Variants in AGAP1 observed in about 807,000 individuals in gnomAD.
AGAP1 encodes the protein ArfGAP with GTPase domain, ankyrin repeat and PH domain 1.
AGAP1 carries 29 observed loss-of-function variants against 105.3 expected under a neutral mutation model. The observed-to-expected ratio is 0.28, with a 90% confidence interval of 0.21 to 0.38. The LOEUF (loss-of-function observed/expected upper bound fraction) is 0.38. Ranked by LOEUF, AGAP1 falls within the 10% of genes least tolerant of loss-of-function variation. AGAP1 has a pLI of 1.00. For synonymous variants in AGAP1, 509 were observed against 485.9 expected (o/e 1.05, Z -0.63); for missense variants, 998 against 1,165.1 (o/e 0.86, Z 2.09).
At chr2:235,764,041 G>A (rs933111160) in intron 6 of AGAP1, among the ~76,000 whole-genome samples, 16 of 151,886 alleles carry the variant, frequency 1.1e-4, no homozygotes, top group African/African-American at 3.6e-4. Flanking sequence ...TGGCCCGTGC[G>A]TGGCTCCGGC....
At position 235,577,232 on chromosome 2, in the gene AGAP1, T is replaced by C. The variant is rs1331894900; in HGVS notation, c.163+82383T>C. ...TCCAACATATCCAAAATATTATCCT[T>C]TCATTGCAATTATCTGGAATTTGTG... On this transcript the variant is annotated intron_variant, in intron 1 of 17. Coordinates refer to ENST00000304032, the MANE Select transcript of AGAP1 (RefSeq NM_001037131.3). This position sits in a 1 kb window ranked among gnomAD's most constrained non-coding sequence, Gnocchi z 4.5. Among the ~76,000 whole-genome samples the C allele has an allele frequency of 6.6e-6, 1 of 152,214 alleles. No homozygotes were observed. Among genetic ancestry groups the C allele is most frequent in the Admixed American group, 6.5e-5 (1 of 15,290 alleles).
rs1351335740 is a variant in AGAP1, at chr2:236,035,654, A to G, written c.1646-907A>G. ...CAGTTCTTCGTGGTTGTATGCAATTAGTTATGCTTTTTGCCAGTGGTGCCT... is the reference window on the plus strand; with the variant it reads ...CAGTTCTTCGTGGTTGTATGCAATTGGTTATGCTTTTTGCCAGTGGTGCCT... On this transcript the variant is annotated intron_variant, in intron 13 of 17. Transcript: ENST00000304032. This position sits in a 1 kb window ranked among gnomAD's most constrained non-coding sequence, Gnocchi z 4.2. Among the ~76,000 whole-genome samples the G allele has an allele frequency of 1.3e-5, 2 of 152,180 alleles. No homozygotes were observed. The highest frequency in any genetic ancestry group is 4.8e-5 in the African/African-American group (2 of 41,436).
At chr2:236,067,895 A>C (rs1184568850) in intron 16 of AGAP1, among the ~76,000 whole-genome samples, 1 of 152,226 alleles carries the variant, frequency 6.6e-6, no homozygotes, top group East Asian at 1.9e-4. Flanking sequence ...TGTCAGGGTC[A>C]GCCATCCGTC....
intron 1 of AGAP1, among the ~76,000 whole-genome samples, chr2:235,618,310 A>G (rs1279986089): frequency 1.3e-5 from 2 of 152,002 alleles, no homozygotes; most frequent in Non-Finnish European, 2.9e-5. Context: ...TTTGTAGGTG[A>G]TTTTTCGGGA....
intron 12 of AGAP1, among the ~76,000 whole-genome samples, chr2:235,956,294 G>A (rs552563266): frequency 6.6e-6 from 1 of 152,264 alleles, no homozygotes; most frequent in African/African-American, 2.4e-5. Flanking sequence ...TTTAAACTTT[G>A]TGCTGCTTGC....
chr2:236,074,214 A>G (rs2058578450), intron 16 of AGAP1, among the ~76,000 whole-genome samples: 1 of 152,140 alleles, frequency 6.6e-6, no homozygotes, highest in Non-Finnish European at 1.5e-5. Flanking sequence ...ACAAGTCAGC[A>G]TAAGTGACTT....
intron 6 of AGAP1, among the ~76,000 whole-genome samples, chr2:235,785,198 T>A (rs1252791313): frequency 6.6e-6 from 1 of 152,182 alleles, no homozygotes; most frequent in Non-Finnish European, 1.5e-5. Flanking sequence ...GGAAAACAGC[T>A]TCAGTTGTGG....
At position 235,874,815 on chromosome 2, in the gene AGAP1, A is replaced by ATG. The variant is rs963887503; in HGVS notation, c.1051-8521_1051-8520dup. ...CAAGATACCATGAGTGTGTGTGTGC[A>ATG]TGTGTGTGTGCGTGTGCTCTTGCAC... On this transcript the variant is annotated intron_variant, in intron 9 of 17. Coordinates refer to ENST00000304032, the MANE Select transcript of AGAP1 (RefSeq NM_001037131.3). The surrounding 1 kb of genome is among the most constrained non-coding windows in gnomAD (Gnocchi z 4.5). Among the ~76,000 whole-genome samples the ATG allele has an allele frequency of 2.0e-5, 3 of 149,834 alleles. No homozygotes were observed. The highest frequency in any genetic ancestry group is 4.4e-5 in the Non-Finnish European group (3 of 68,008).
Position 235,888,420 on chromosome 2 carries a change from A to G in AGAP1, c.1155+4971A>G, listed in dbSNP as rs1290076666. The stretch of plus-strand genomic sequence containing the variant: ...TAGGGCTGCTCCACACAGCTCCTGC[A>G]TTAGTCAACCAAATTAAATTCCCAG... On this transcript the variant is annotated intron_variant, in intron 10 of 17. Coordinates refer to ENST00000304032, the MANE Select transcript of AGAP1 (RefSeq NM_001037131.3). This position sits in a 1 kb window ranked among gnomAD's most constrained non-coding sequence, Gnocchi z 4.8. Among the ~76,000 whole-genome samples, 1 of 152,122 alleles carries G rather than the reference A, an allele frequency of 6.6e-6. No homozygotes were observed.
intron 2 of AGAP1, among the ~76,000 whole-genome samples, chr2:235,715,336 T>C (rs1575208803): frequency 6.6e-6 from 1 of 152,326 alleles, no homozygotes; most frequent in East Asian, 1.9e-4. Flanking sequence ...GACAGAGATC[T>C]TGGCCCTCGG....
chr2:235,817,963 A>G (rs1358022745), intron 9 of AGAP1, among the ~76,000 whole-genome samples: 2 of 152,254 alleles, frequency 1.3e-5, no homozygotes, highest in Non-Finnish European at 1.5e-5. Context: ...ACCTAATACT[A>G]TAGTTAATGT....
chr2:235,636,653 G>A lies in AGAP1; in HGVS notation c.164-72526G>A, dbSNP rs931825297. Among the ~76,000 whole-genome samples, 27 of 152,236 alleles carry A rather than the reference G, an allele frequency of 1.8e-4. 1 individual carries two copies. The South Asian group carries it at 2.9e-3, about 16-fold the overall frequency. On this transcript the variant is annotated intron_variant, in intron 1 of 17. Transcript: ENST00000304032. ...GCTAGACTCACTGTTCCAGGACTCC[G>A]CTGGCCCAGAGGTGAGTCGGCCTGA...
At position 235,608,015 on chromosome 2, in the gene AGAP1, A is replaced by G. The variant is rs1946003594; in HGVS notation, c.164-101164A>G. Among the ~76,000 whole-genome samples, 1 of 152,210 alleles carries G rather than the reference A, an allele frequency of 6.6e-6. No individual in the cohort carries two copies. The highest frequency in any genetic ancestry group is 1.5e-5 in the Non-Finnish European group (1 of 68,048). ...TGAGCGAGTGCCTGCTGTCTCAGACATGAGGTGGATGCTGAAGAGATTACC... is the reference window on the plus strand; with the variant it reads ...TGAGCGAGTGCCTGCTGTCTCAGACGTGAGGTGGATGCTGAAGAGATTACC... On this transcript the variant is annotated intron_variant, in intron 1 of 17. Transcript: ENST00000304032. This position sits in a 1 kb window ranked among gnomAD's most constrained non-coding sequence, Gnocchi z 5.4.
intron 13 of AGAP1, among the ~76,000 whole-genome samples, chr2:236,019,520 CT>C (rs1371625119): frequency 6.6e-6 from 1 of 152,214 alleles, no homozygotes; most frequent in African/African-American, 2.4e-5. Flanking sequence ...AGAGGGAGAT[CT>C]TTTCCTCCTT....
chr2:235,704,979 T>TTTTTTTTTC (rs1559373932), intron 1 of AGAP1, among the ~76,000 whole-genome samples: 1 of 129,014 alleles, frequency 7.8e-6, no homozygotes, highest in African/African-American at 3.0e-5. Context: ...CTTTTTTTTT[T>TTTTTTTTTC]TTTTTTTTTT....
At chr2:236,025,890 A>C (rs2057033753) in intron 13 of AGAP1, among the ~76,000 whole-genome samples, 1 of 37,342 alleles carries the variant, frequency 2.7e-5, no homozygotes, top group Admixed American at 1.7e-4. Context: ...CGACAGAGGG[A>C]GACTCCTTCT....
intron 11 of AGAP1, among the ~76,000 whole-genome samples, chr2:235,929,844 G>A (rs1223199015): frequency 6.6e-6 from 1 of 152,186 alleles, no homozygotes; most frequent in Non-Finnish European, 1.5e-5. Flanking sequence ...GCTAATATGG[G>A]CTGCGTATTT....
intron 1 of AGAP1, among the ~76,000 whole-genome samples, chr2:235,667,786 C>T (rs1022030135): frequency 4.6e-5 from 7 of 151,712 alleles, no homozygotes; most frequent in Non-Finnish European, 1.0e-4. Flanking sequence ...TGGTGAAACC[C>T]CATCTCTACT....
At position 235,691,070 on chromosome 2, in the gene AGAP1, A is replaced by T. The variant is rs80029254; in HGVS notation, c.164-18109A>T. Among the ~76,000 whole-genome samples, 1,124 of 152,256 alleles carry T rather than the reference A, an allele frequency of 7.4e-3. 15 individuals are homozygous for T. The highest frequency in any genetic ancestry group is 0.024 in the Middle Eastern group (7 of 294). ...TAGAGTGCCAAGGTGGGGGTTGTAG[A>T]CAAGATTCTACCCCCTCCTCCAGAC... On this transcript the variant is annotated intron_variant, in intron 1 of 17. Coordinates refer to ENST00000304032, the MANE Select transcript of AGAP1 (RefSeq NM_001037131.3). The surrounding 1 kb of genome is among the most constrained non-coding windows in gnomAD (Gnocchi z 4.4).
Sources: allele counts gnomAD v4.1 joint callset (sites outside exome capture counted in the v4.1 genomes callset), GRCh38; gene constraint gnomAD v4.1.1; non-coding constraint Gnocchi (gnomAD v3.1); transcripts MANE v1.5; gene names NCBI Gene and HGNC (gene_info 2026-07-23, HGNC 2026-07-21).